Variants in LSG1 observed in about 807,000 individuals in gnomAD.
LSG1 encodes large 60S subunit nuclear export GTPase 1, also known as large subunit GTPase 1 homolog.
A neutral mutation model predicts 82.6 loss-of-function variants in LSG1; 55 were observed. The observed-to-expected ratio is 0.67, with a 90% CI of 0.54 to 0.83. The LOEUF (loss-of-function observed/expected upper bound fraction) is 0.83, where lower values mean the gene tolerates loss of function less well. LSG1 is among the 40% of genes least tolerant of loss of function. The pLI, the probability that LSG1 is intolerant of heterozygous loss-of-function variation, is 0.00. For missense variants in LSG1, 809 were observed against 807.9 expected, an observed-to-expected ratio of 1.00 and a Z score of -0.02; for synonymous variants, 272 against 282.5, an observed-to-expected ratio of 0.96 and a Z score of 0.37.
chr3:194,651,578 T>C (rs1228693621), intron 8 of LSG1: 2 of 194,138 alleles, frequency 1.0e-5, no homozygotes, highest in Admixed American at 1.1e-4. Context: ...CGGATGGACA[T>C]TTGAATAATC....
intron 5 of LSG1, 58 bp from the exon 6 acceptor site, chr3:194,660,191 C>A (rs1718896483): frequency 7.3e-7 from 1 of 1,378,714 alleles, no homozygotes; most frequent in Non-Finnish European, 1.0e-6. Context: ...TTTTACTAAC[C>A]ACATAATAAT....
chr3:194,644,279 G>A (rs1047897908), intron 13 of LSG1, among the ~76,000 whole-genome samples: 11 of 151,236 alleles, frequency 7.3e-5, no homozygotes, highest in Admixed American at 2.0e-4. Context: ...GGAGAATGGC[G>A]TGAACCCGGG....
chr3:194,660,066 G>C lies in LSG1; in HGVS notation c.582+7C>G. On this transcript the variant is annotated splice_region_variant and intron_variant, in intron 6 of 13. Coordinates refer to ENST00000265245, the MANE Select transcript of LSG1 (RefSeq NM_018385.3). Reference sequence around the variant, plus strand: ...CTGATGTTTGAATTTTGTCAAACTTGACTTACCAAATCCTCACATCTAAAC... The same window carrying C: ...CTGATGTTTGAATTTTGTCAAACTTCACTTACCAAATCCTCACATCTAAAC... 6.2e-7 allele frequency: 1 copy of C among 1,612,896 alleles called. No individual in the cohort carries two copies. The highest frequency in any genetic ancestry group is 8.5e-7 in the Non-Finnish European group (1 of 1,179,048).
At chr3:194,671,775 G>C (rs538199574) in intron 1 of LSG1, 172 of 457,430 alleles carry the variant, frequency 3.8e-4, no homozygotes, top group African/African-American at 3.1e-3. Context: ...CACTTCAGTG[G>C]CTTCTAGGGC....
intron 1 of LSG1, among the ~76,000 whole-genome samples, chr3:194,671,224 C>T (rs1271500866): frequency 6.6e-6 from 1 of 152,172 alleles, no homozygotes; most frequent in Non-Finnish European, 1.5e-5. Context: ...GTTCAATCTT[C>T]CCACAGTTTC....
At chr3:194,655,539 T>C (rs1023603512) in intron 7 of LSG1, among the ~76,000 whole-genome samples, 17 of 152,208 alleles carry the variant, frequency 1.1e-4, no homozygotes, top group African/African-American at 4.1e-4. Flanking sequence ...ACTAAATGAG[T>C]AAAATATGTA....
At chr3:194,653,406 T>C (rs1718721989) in intron 7 of LSG1, among the ~76,000 whole-genome samples, 1 of 151,902 alleles carries the variant, frequency 6.6e-6, no homozygotes, top group South Asian at 2.1e-4. Context: ...TCCCAGCTAC[T>C]TGGGAGGCTG....
Position 194,658,959 on chromosome 3 carries a change from C to A in LSG1, c.757G>T (p.Glu253Ter). The A allele has an allele frequency of 6.2e-7, 1 of 1,612,350 alleles. No individual in the cohort carries two copies. Among genetic ancestry groups the A allele is most frequent in the South Asian group, 1.1e-5 (1 of 90,830 alleles). Reference sequence around the variant, plus strand: ...ACCTAAAATGTCCCTCAGGTTACCTCAGAGTCACCATTCAGGGGAATGGCT... The same window carrying A: ...ACCTAAAATGTCCCTCAGGTTACCTAAGAGTCACCATTCAGGGGAATGGCT... Reference protein sequence around the residue: ...AGAIPLNGDSEEEANRDDRQS... With the variant: ...AGAIPLNGDS The change falls in exon 7 of 14, where the codon GAG becomes TAG. Residue 253 changes from glutamate to a stop codon, truncating the protein, a stop_gained and splice_region_variant. Transcript: ENST00000265245. LOFTEE classifies it high-confidence loss of function.
At chr3:194,648,300 C>T (rs1246906622) in intron 11 of LSG1, among the ~76,000 whole-genome samples, 2 of 152,052 alleles carry the variant, frequency 1.3e-5, no homozygotes, top group Admixed American at 6.5e-5. Flanking sequence ...ACTCTGTCCC[C>T]GTCTCTGAGG....
rs1718416176 is a variant in LSG1 at position 194,642,336 on chromosome 3, T to C, written c.1798-89A>G. 4.5e-6 allele frequency: 5 copies of C among 1,111,726 alleles called. No individual in the cohort carries two copies. The African/African-American group carries it at 7.9e-5, about 18-fold the overall frequency. 68.9% of individuals were successfully genotyped at this position (1,111,726 alleles called of 1,614,324 possible). A position where few individuals can be genotyped will look rare whatever the true frequency, so the allele number is the denominator to read the frequency against. On this transcript the variant is annotated intron_variant, in intron 13 of 13. Coordinates refer to ENST00000265245, the MANE Select transcript of LSG1 (RefSeq NM_018385.3). ...GTACTATTAGTGGATCACTTCAAGA[T>C]AAAAAGGAGTCAGTCACTGGGTGAA...
chr3:194,646,202 G>A lies in LSG1; in HGVS notation c.1585C>T (p.Pro529Ser). The change falls in exon 12 of 14, where the codon CCT (proline) becomes TCT (serine). Residue 529 changes from proline (P) to serine (S), a missense_variant. Pro to Ser is a moderately conservative substitution (Grantham distance 74). Transcript: ENST00000265245. ...FMTAHGQPDQ[P>S]RSARYILKDY... ...TTCAGGATGTAGCGCGCAGATCGAG[G>A]CTGGTCTGGCTGTCCATGCGCTGTC... The A allele has an allele frequency of 1.9e-6, 3 of 1,614,118 alleles. No individual in the cohort carries two copies. The highest frequency in any genetic ancestry group is 2.5e-6 in the Non-Finnish European group (3 of 1,179,974).
At chr3:194,666,755 T>C (rs561996315) in intron 2 of LSG1, among the ~76,000 whole-genome samples, 183 bp from the exon 3 acceptor site, 22 of 152,330 alleles carry the variant, frequency 1.4e-4, no homozygotes, top group African/African-American at 5.3e-4. Flanking sequence ...CAAATAACTA[T>C]CCAGAGTTAC....
intron 13 of LSG1, among the ~76,000 whole-genome samples, chr3:194,642,500 A>G (rs1718421575): frequency 6.6e-6 from 1 of 151,726 alleles, no homozygotes; most frequent in African/African-American, 2.4e-5. Context: ...TAGACTTAAT[A>G]CCAGCTGTGT....
At chr3:194,653,653 G>A (rs572488020) in intron 7 of LSG1, among the ~76,000 whole-genome samples, 1 of 152,324 alleles carries the variant, frequency 6.6e-6, no homozygotes, top group East Asian at 1.9e-4. Context: ...TCCTGGAGGG[G>A]AGAATTGGAC....
At chr3:194,648,578 G>T in intron 11 of LSG1, 103 bp downstream of exon 11, 1 of 1,232,604 alleles carries the variant, frequency 8.1e-7, no homozygotes, top group Non-Finnish European at 1.1e-6. Flanking sequence ...TTATAAATGT[G>T]TATCTTTGCA....
chr3:194,648,636 T>C, intron 11 of LSG1, 45 bp downstream of exon 11: 2 of 1,592,714 alleles, frequency 1.3e-6, no homozygotes, highest in East Asian at 2.2e-5. Context: ...ATTCATTAGG[T>C]ATACTGTTAC....
chr3:194,654,368 A>G (rs1180579828), intron 7 of LSG1, among the ~76,000 whole-genome samples: 1 of 152,244 alleles, frequency 6.6e-6, no homozygotes, highest in Non-Finnish European at 1.5e-5. Flanking sequence ...CTTGAAAGTG[A>G]TGGAAACCTG....
In LSG1 at chr3:194,644,707, G is replaced by C; in HGVS notation, c.1663C>G (p.Pro555Ala). 6.2e-7 allele frequency: 1 copy of C among 1,608,426 alleles called. No homozygotes were observed. The highest frequency in any genetic ancestry group is 8.5e-7 in the Non-Finnish European group (1 of 1,176,860). Residue 555 changes from proline (P) to alanine (A), a missense_variant, in exon 13 of 14, where the codon CCT becomes GCT. Pro to Ala is a conservative substitution (Grantham distance 27). Transcript: ENST00000265245. ...LYCHPPPGRDPVTFQHQHQRL... is the reference protein window; with the variant it reads ...LYCHPPPGRDAVTFQHQHQRL... ...TGGTGTTGATGCTGAAAAGTTACAG[G>C]ATCTCTTCCAGGAGGAGGATGGCAG...
At chr3:194,658,918 C>CT (rs1374957551) in intron 7 of LSG1, 39 bp downstream of exon 7, 1 of 1,423,894 alleles carries the variant, frequency 7.0e-7, no homozygotes, top group African/African-American at 2.2e-5. Context: ...AATCAAAATT[C>CT]CCTCTTTGAA....
Sources: allele counts gnomAD v4.1 joint callset (sites outside exome capture counted in the v4.1 genomes callset), GRCh38; gene constraint gnomAD v4.1.1; transcripts MANE v1.5; gene names NCBI Gene and HGNC (gene_info 2026-07-23, HGNC 2026-07-21).